ZW10: variants seen among roughly 807,000 people sequenced by gnomAD.
The protein encoded by ZW10 is centromere/kinetochore protein zw10 homolog.
ZW10 carries 53 observed loss-of-function variants against 87.8 expected under a neutral mutation model. The observed-to-expected ratio is 0.60, with a 90% CI of 0.48 to 0.76. The LOEUF is 0.76. Among genes scored for constraint, ZW10 ranks in the 30% least tolerant of loss-of-function variants. ZW10 has a pLI of 0.00. For missense variants in ZW10, 837 were observed against 923.0 expected (o/e 0.91, Z 1.21); for synonymous variants, 312 against 329.2 (o/e 0.95, Z 0.57).
intron 2 of ZW10, among the ~76,000 whole-genome samples, chr11:113,766,698 AT>A (rs1555035627): frequency 8.4e-6 from 1 of 119,502 alleles, no homozygotes; most frequent in Non-Finnish European, 1.7e-5. Context: ...AAAAAAAAAA[AT>A]TAATTTTTAA....
intron 7 of ZW10, among the ~76,000 whole-genome samples, chr11:113,752,581 C>A (rs1405924056): frequency 6.6e-6 from 1 of 152,204 alleles, no homozygotes; most frequent in African/African-American, 2.4e-5. Flanking sequence ...CAGAGTATTT[C>A]AAACTTTTTC....
chr11:113,756,363 A>T (rs1953785638), intron 7 of ZW10, among the ~76,000 whole-genome samples: 1 of 152,204 alleles, frequency 6.6e-6, no homozygotes, highest in Non-Finnish European at 1.5e-5. Context: ...GATAAGATAT[A>T]GGGGAAATAA....
chr11:113,736,439 G>A (rs1953554112), intron 15 of ZW10, among the ~76,000 whole-genome samples, 181 bp downstream of exon 15: 1 of 152,166 alleles, frequency 6.6e-6, no homozygotes, highest in African/African-American at 2.4e-5. Context: ...ATCAAATATG[G>A]GAAAGTGGTA....
At chr11:113,743,757 AT>A in intron 10 of ZW10, 44 bp downstream of exon 10, 1 of 1,476,656 alleles carries the variant, frequency 6.8e-7, no homozygotes, top group Non-Finnish European at 9.5e-7. Flanking sequence ...TTAGATATGC[AT>A]TTAACCAAGT....
chr11:113,760,670 T>A, intron 3 of ZW10, 80 bp from the exon 4 acceptor site: 1 of 1,259,512 alleles, frequency 7.9e-7, no homozygotes, highest in Non-Finnish European at 1.1e-6. Flanking sequence ...ATGCTCCCAC[T>A]TTCCCTCCCC....
At chr11:113,766,205 T>C (rs1209648882) in intron 2 of ZW10, among the ~76,000 whole-genome samples, 8 of 151,514 alleles carry the variant, frequency 5.3e-5, no homozygotes, top group Admixed American at 5.3e-4. Context: ...ACCCTGTCCC[T>C]ACCAAAAAAT....
At chr11:113,747,068 G>T (rs1317713856) in intron 9 of ZW10, among the ~76,000 whole-genome samples, 19 of 151,722 alleles carry the variant, frequency 1.3e-4, no homozygotes, top group Admixed American at 1.2e-3. Flanking sequence ...GCCTTTACAG[G>T]TAATTATTTA....
intron 14 of ZW10, 28 bp from the exon 15 acceptor site, chr11:113,736,850 G>A: frequency 2.5e-6 from 4 of 1,608,228 alleles, no homozygotes; most frequent in Non-Finnish European, 3.4e-6. Context: ...AAACACAATA[G>A]AATAGAATTG....
intron 7 of ZW10, among the ~76,000 whole-genome samples, chr11:113,752,276 G>GTT (rs978147989): frequency 1.3e-5 from 2 of 152,338 alleles, no homozygotes; most frequent in African/African-American, 4.8e-5. Context: ...GTGTGTGTGT[G>GTT]TGTGTGTGTG....
At chr11:113,736,848 T>A (rs369324664) in intron 14 of ZW10, 26 bp from the exon 15 acceptor site, 1 of 1,609,280 alleles carries the variant, frequency 6.2e-7, no homozygotes, top group Non-Finnish European at 8.5e-7. Context: ...GGAAACACAA[T>A]AGAATAGAAT....
chr11:113,759,275 G>C (rs1406427909), intron 5 of ZW10, among the ~76,000 whole-genome samples: 1 of 151,918 alleles, frequency 6.6e-6, no homozygotes, highest in South Asian at 2.1e-4. Flanking sequence ...TAACAAGTAG[G>C]GTGTGTTATA....
At chr11:113,757,181 A>G (rs1953797206) in intron 7 of ZW10, among the ~76,000 whole-genome samples, 1 of 152,126 alleles carries the variant, frequency 6.6e-6, no homozygotes, top group Non-Finnish European at 1.5e-5. Context: ...AACATGATTT[A>G]TGGAATACAG....
intron 9 of ZW10, among the ~76,000 whole-genome samples, chr11:113,746,665 G>A (rs1320309162): frequency 6.6e-6 from 1 of 152,080 alleles, no homozygotes; most frequent in African/African-American, 2.4e-5. Context: ...TTTTTTTTAA[G>A]TGATCAGAAA....
chr11:113,762,614 T>C (rs1172496247), intron 2 of ZW10, among the ~76,000 whole-genome samples: 1 of 151,572 alleles, frequency 6.6e-6, no homozygotes, highest in African/African-American at 2.4e-5. Context: ...ACCTCCCAGG[T>C]TCAAGCAATT....
At chr11:113,755,365 A>G (rs1953773155) in intron 7 of ZW10, among the ~76,000 whole-genome samples, 3 of 152,228 alleles carry the variant, frequency 2.0e-5, no homozygotes, top group Admixed American at 2.0e-4. Flanking sequence ...GACTTCAGTT[A>G]AAGAAGGAAC....
At chr11:113,741,186 C>G (rs570769791) in intron 11 of ZW10, among the ~76,000 whole-genome samples, 1 of 151,442 alleles carries the variant, frequency 6.6e-6, no homozygotes, top group South Asian at 2.1e-4. Context: ...CACTATGTTG[C>G]TCAAACTAAT....
intron 7 of ZW10, among the ~76,000 whole-genome samples, chr11:113,754,222 C>A (rs1448738793): frequency 1.3e-5 from 2 of 152,202 alleles, no homozygotes; most frequent in African/African-American, 4.8e-5. Flanking sequence ...CGATGGCTCA[C>A]ACCTGTAATC....
intron 9 of ZW10, among the ~76,000 whole-genome samples, chr11:113,745,900 A>C (rs1953672053): frequency 6.6e-6 from 1 of 152,262 alleles, no homozygotes; most frequent in African/African-American, 2.4e-5. Flanking sequence ...TGGGAAGTTT[A>C]GAAAATCTAA....
In ZW10 at chr11:113,741,715, T is replaced by C. The variant is rs1457128166; in HGVS notation, c.1562A>G (p.Asp521Gly). ...SVRNIFHLFH[D>G]VVPTYHKENL... ...TTACTTGTGATATGTTGGTACAACA[T>C]CATGGAACAAATGGAAGATATTCCT... is the stretch of plus-strand genomic sequence containing the variant. Residue 521 changes from aspartate (D) to glycine (G), a missense_variant, in exon 11 of 16, where the codon GAT becomes GGT. By Grantham distance (94) the Asp-to-Gly change is moderately conservative. Transcript: ENST00000200135. 1.9e-6 allele frequency: 3 copies of C among 1,607,514 alleles called. No individual in the cohort carries two copies. The highest frequency in any genetic ancestry group is 1.3e-5 in the African/African-American group (1 of 74,722).
Sources: gnomAD v4.1 joint callset for allele counts (sites outside exome capture counted in the v4.1 genomes callset) on GRCh38, gnomAD v4.1.1 for gene constraint, MANE v1.5 for transcripts, NCBI Gene and HGNC (gene_info 2026-07-23, HGNC 2026-07-21) for gene names.